SMC3: variants seen among roughly 807,000 people sequenced by gnomAD.
The protein encoded by SMC3 is structural maintenance of chromosomes 3.
A neutral mutation model predicts 171.8 loss-of-function variants in SMC3; 20 were observed. That is an observed-to-expected ratio of 0.12 (90% CI 0.08 to 0.17). SMC3 has a LOEUF of 0.17. Among genes scored for constraint, SMC3 ranks in the 10% least tolerant of loss-of-function variants. The probability of loss-of-function intolerance (pLI) is 1.00; values close to 1 mark genes in which losing one functional copy is unlikely to be tolerated. For missense variants in SMC3, 543 were observed against 1,420.4 expected (o/e 0.38, Z 9.93); for synonymous variants, 464 against 451.1 (o/e 1.03, Z -0.36).
intron 4 of SMC3, 140 bp from the exon 5 acceptor site, chr10:110,577,279 AGT>A (rs768142217): frequency 1.1e-4 from 72 of 676,042 alleles, no homozygotes; most frequent in Middle Eastern, 2.7e-4. Context: ...ACGTTAGATT[AGT>A]GTGTGTGTGT....
chr10:110,594,994 ATTTT>A (rs529113248), intron 18 of SMC3, among the ~76,000 whole-genome samples: 1 of 145,658 alleles, frequency 6.9e-6, no homozygotes, highest in Admixed American at 6.8e-5. Context: ...TCTTCTCTTT[ATTTT>A]TTTTTTTTGA....
At chr10:110,584,839 G>T (rs1861084637) in intron 13 of SMC3, among the ~76,000 whole-genome samples, 1 of 152,092 alleles carries the variant, frequency 6.6e-6, no homozygotes, top group African/African-American at 2.4e-5. Flanking sequence ...AGCCTAGGCT[G>T]GTCTCGAAAT....
intron 21 of SMC3, among the ~76,000 whole-genome samples, chr10:110,600,236 A>G (rs1289828876): frequency 6.6e-6 from 1 of 152,204 alleles, no homozygotes; most frequent in Non-Finnish European, 1.5e-5. Context: ...AGCATGCGTT[A>G]TAAAAAGGGC....
At chr10:110,596,949 T>A (rs7096997) in intron 19 of SMC3, among the ~76,000 whole-genome samples, 1 of 151,234 alleles carries the variant, frequency 6.6e-6, no homozygotes, top group African/African-American at 2.4e-5. Context: ...GCATCAGTAA[T>A]GTTACATATT....
In SMC3 at chr10:110,605,795, C is replaced by T. The variant is rs1861459684; in HGVS notation, c.*1493C>T. Reference sequence around the variant, plus strand: ...CATTTACCCAAGAATTTTTCTCAAACAACTACCTAAGAATATTCATCATGA... The same window carrying T: ...CATTTACCCAAGAATTTTTCTCAAATAACTACCTAAGAATATTCATCATGA... On this transcript the variant is annotated 3_prime_UTR_variant, in exon 29 of 29. Coordinates refer to ENST00000361804, the MANE Select transcript of SMC3 (RefSeq NM_005445.4). Among the ~76,000 whole-genome samples, 1 of 152,116 alleles carries T rather than the reference C, an allele frequency of 6.6e-6. No homozygotes were observed.
intron 19 of SMC3, among the ~76,000 whole-genome samples, chr10:110,596,987 G>T (rs549912404): frequency 6.6e-6 from 1 of 152,056 alleles, no homozygotes; most frequent in Admixed American, 6.6e-5. Context: ...ATAAGGACTG[G>T]CATTTTATTG....
intron 13 of SMC3, among the ~76,000 whole-genome samples, chr10:110,588,371 A>G (rs1398744896): frequency 6.6e-6 from 1 of 152,200 alleles, no homozygotes; most frequent in Non-Finnish European, 1.5e-5. Context: ...GTCCATTAAA[A>G]TTTTGGACAA....
In SMC3 at chr10:110,600,566, T is replaced by G. The variant is rs780622033; in HGVS notation, c.2535+20T>G. ...GAACAGGTGTGTATGTGTTTTTTTT[T>G]TTTTTTTTAAGGGCTCCTTGGTGGC... On this transcript the variant is annotated intron_variant, in intron 22 of 28. Coordinates refer to ENST00000361804, the MANE Select transcript of SMC3 (RefSeq NM_005445.4). 7 of 1,369,016 alleles carry G rather than the reference T, an allele frequency of 5.1e-6. No individual in the cohort carries two copies. Among genetic ancestry groups the G allele is most frequent in the Non-Finnish European group, 2.1e-6 (2 of 957,890 alleles). 84.8% of individuals were successfully genotyped at this position (1,369,016 alleles called of 1,614,324 possible). A position where few individuals can be genotyped will look rare whatever the true frequency, so the allele number is the denominator to read the frequency against.
At position 110,603,116 on chromosome 10, in the gene SMC3, A is replaced by ATAGT. The variant is rs1412801097; in HGVS notation, c.3476-66_3476-63dup. ...GTTTTGAATTTTAGTAAGAGTAAAG[A>ATAGT]TAGTTGCTTTTTAAATTTTCAGATC... On this transcript the variant is annotated intron_variant, in intron 27 of 28. Transcript: ENST00000361804. 2.0e-6 allele frequency: 3 copies of ATAGT among 1,524,100 alleles called. No individual in the cohort carries two copies. The African/African-American group carries it at 4.1e-5, about 21-fold the overall frequency. The allele number at this position is 1,524,100 out of a possible 1,614,324, so 94.4% of individuals were successfully genotyped here. A position where few individuals can be genotyped will look rare whatever the true frequency, so the allele number is the denominator to read the frequency against.
rs1890921 is a variant in SMC3, at chr10:110,600,244, G to A, written c.2428-195G>A. 0.97 allele frequency among the ~76,000 whole-genome samples: 147,440 copies of A among 152,284 alleles called. 71,431 individuals carry two copies. Among genetic ancestry groups the A allele is most frequent in the South Asian group, 1 (4,808 of 4,832 alleles). On this transcript the variant is annotated intron_variant, in intron 21 of 28. Coordinates refer to ENST00000361804, the MANE Select transcript of SMC3 (RefSeq NM_005445.4). ...TTTTGACAGCATGCGTTATAAAAAGGGCCAGCCACAAAAATTTAACATTAT... is the reference window on the plus strand; with the variant it reads ...TTTTGACAGCATGCGTTATAAAAAGAGCCAGCCACAAAAATTTAACATTAT...
At chr10:110,595,194 G>A (rs1331746821) in intron 18 of SMC3, among the ~76,000 whole-genome samples, 1 of 151,890 alleles carries the variant, frequency 6.6e-6, no homozygotes, top group Admixed American at 6.6e-5. Flanking sequence ...TGGTCAGGCT[G>A]GTCTCGAACT....
Position 110,600,504 on chromosome 10 carries a change from T to C in SMC3, c.2493T>C (p.Tyr831=), listed in dbSNP as rs112525060. The part of the protein sequence containing the change: ...LEGIITRVET[Y]LNENLRKRLD... ...GTATTATTACTCGAGTAGAGACTTA[T>C]CTCAATGAGAATCTGAGAAAACGCT... The change falls in exon 22 of 29, where the codon TAT becomes TAC. Residue 831 remains tyrosine, a synonymous_variant. Transcript: ENST00000361804. 79 of 1,596,906 alleles carry C rather than the reference T, an allele frequency of 4.9e-5. No homozygotes were observed. The Middle Eastern group carries it at 1.2e-3, about 23-fold the overall frequency.
rs192760604 is a variant in SMC3 at position 110,597,513 on chromosome 10, A to G, written c.2117-626A>G. Reference sequence around the variant, plus strand: ...GAAACTGGAATTTTTTTAAAACTGCAGATTTATAACTTCTGTGCCATCAGT... The same window carrying G: ...GAAACTGGAATTTTTTTAAAACTGCGGATTTATAACTTCTGTGCCATCAGT... On this transcript the variant is annotated intron_variant, in intron 19 of 28. Coordinates refer to ENST00000361804, the MANE Select transcript of SMC3 (RefSeq NM_005445.4). Among the ~76,000 whole-genome samples the G allele has an allele frequency of 1.3e-3, 191 of 152,338 alleles. 2 individuals are homozygous for G. The highest frequency in any genetic ancestry group is 5.7e-4 in the Non-Finnish European group (39 of 68,032).
intron 10 of SMC3, 94 bp from the exon 11 acceptor site, chr10:110,583,289 TA>T: frequency 2.1e-6 from 2 of 971,488 alleles, no homozygotes; most frequent in South Asian, 2.7e-5. Flanking sequence ...AAGGACAGAG[TA>T]TTACTAAACA....
At chr10:110,576,474 T>G (rs936869466) in intron 4 of SMC3, among the ~76,000 whole-genome samples, 1 of 152,306 alleles carries the variant, frequency 6.6e-6, no homozygotes, top group East Asian at 1.9e-4. Context: ...GAAAAAAATA[T>G]GAGTAATGGA....
chr10:110,584,137 T>C, intron 12 of SMC3, 46 bp from the exon 13 acceptor site: 1 of 1,573,220 alleles, frequency 6.4e-7, no homozygotes, highest in Non-Finnish European at 8.8e-7. Flanking sequence ...CAATTAAACT[T>C]GGTTATTATT....
chr10:110,590,599 A>AT, intron 16 of SMC3, 27 bp downstream of exon 16: 1 of 1,607,916 alleles, frequency 6.2e-7, no homozygotes, highest in Non-Finnish European at 8.5e-7. Context: ...GATATTTAGC[A>AT]TTTTTAGAAG....
intron 20 of SMC3, among the ~76,000 whole-genome samples, chr10:110,599,432 T>C (rs1861353414): frequency 1.3e-5 from 2 of 151,774 alleles, no homozygotes; most frequent in African/African-American, 4.8e-5. Context: ...GATTTTTGTA[T>C]AGTTTAATCA....
intron 20 of SMC3, 143 bp downstream of exon 20, chr10:110,598,433 C>CTCT (rs931158794): frequency 8.8e-5 from 72 of 813,618 alleles, no homozygotes; most frequent in Non-Finnish European, 1.4e-4. Flanking sequence ...AAGACAGAGT[C>CTCT]TCTTTCTGTC....
Sources: gnomAD v4.1 joint callset for allele counts (sites outside exome capture counted in the v4.1 genomes callset) on GRCh38, gnomAD v4.1.1 for gene constraint, MANE v1.5 for transcripts, NCBI Gene and HGNC (gene_info 2026-07-23, HGNC 2026-07-21) for gene names.